The following CAMTA1 variants were observed in gnomAD, a reference collection of about 807,000 sequenced individuals.
CAMTA1 encodes the protein calmodulin-binding transcription activator 1.
In CAMTA1, 27 loss-of-function variants were observed where a neutral mutation model predicts 170.9. The observed-to-expected ratio is 0.16, with a 90% CI of 0.12 to 0.22. CAMTA1 has a LOEUF of 0.22. Ranked by LOEUF, CAMTA1 falls within the 10% of genes least tolerant of loss-of-function variation. The probability of loss-of-function intolerance (pLI) is 1.00; values close to 1 mark genes in which losing one functional copy is unlikely to be tolerated. For missense variants in CAMTA1, 1,619 were observed against 2,217.2 expected (o/e 0.73, Z 5.42); for synonymous variants, 833 against 891.5 (o/e 0.93, Z 1.17).
At chr1:6,917,614 A>G (rs1020119601) in intron 3 of CAMTA1, among the ~76,000 whole-genome samples, 1 of 152,066 alleles carries the variant, frequency 6.6e-6, no homozygotes, top group Non-Finnish European at 1.5e-5. Context: ...TTTGGCACCC[A>G]CTGCCATGAC....
intron 6 of CAMTA1, among the ~76,000 whole-genome samples, chr1:7,512,627 C>T (rs912012261): frequency 1.3e-5 from 2 of 152,250 alleles, no homozygotes; most frequent in African/African-American, 4.8e-5. Flanking sequence ...ATGCAAGCTG[C>T]TGCTCAGACA....
At chr1:6,940,202 G>C (rs947377263) in intron 3 of CAMTA1, among the ~76,000 whole-genome samples, 1 of 152,260 alleles carries the variant, frequency 6.6e-6, no homozygotes, top group Non-Finnish European at 1.5e-5. Flanking sequence ...AATGGCTCAT[G>C]AGATTATGGA....
intron 5 of CAMTA1, among the ~76,000 whole-genome samples, chr1:7,375,014 C>T (rs1385816338): frequency 1.3e-5 from 2 of 152,132 alleles, no homozygotes; most frequent in South Asian, 2.1e-4. Context: ...CCTGGGCTAA[C>T]CTGGTGGATG....
chr1:6,891,524 C>A (rs1398729597), intron 3 of CAMTA1, among the ~76,000 whole-genome samples: 1 of 152,182 alleles, frequency 6.6e-6, no homozygotes, highest in Non-Finnish European at 1.5e-5. Flanking sequence ...ATTTTCCCTG[C>A]TTGTACAGCT....
At chr1:7,513,508 C>T (rs946591166) in intron 6 of CAMTA1, among the ~76,000 whole-genome samples, 6 of 152,124 alleles carry the variant, frequency 3.9e-5, no homozygotes, top group South Asian at 4.1e-4. Context: ...GGGTCTGTCC[C>T]GGCCCTCTCC....
intron 11 of CAMTA1, among the ~76,000 whole-genome samples, chr1:7,678,718 C>G (rs2096151275): frequency 6.6e-6 from 1 of 152,176 alleles, no homozygotes; most frequent in African/African-American, 2.4e-5. Flanking sequence ...CCATGGGGTA[C>G]CTTGCTGGAG....
At chr1:7,296,177 G>C (rs552639477) in intron 5 of CAMTA1, among the ~76,000 whole-genome samples, 3 of 152,314 alleles carry the variant, frequency 2.0e-5, no homozygotes, top group Admixed American at 2.0e-4. Context: ...GAGCCAGAGA[G>C]AGTGAACACG....
intron 3 of CAMTA1, among the ~76,000 whole-genome samples, chr1:7,019,928 A>G (rs1701112950): frequency 6.6e-6 from 1 of 152,086 alleles, no homozygotes; most frequent in African/African-American, 2.4e-5. Context: ...CCTCTTTCCC[A>G]TGTGTGGTGT....
rs556572159 is a variant in CAMTA1 at position 7,642,673 on chromosome 1, A to G, written c.664+2120A>G. ...TGGTGCCCCCTGGCCAGGGCGGTAG[A>G]AAGAGTCAGGGCTGGCAAGTCAGGA... On this transcript the variant is annotated intron_variant, in intron 7 of 22. Transcript: ENST00000303635. The surrounding 1 kb of genome is among the most constrained non-coding windows in gnomAD (Gnocchi z 6.3). Among the ~76,000 whole-genome samples the G allele has an allele frequency of 4.1e-3, 624 of 152,176 alleles. 2 individuals carry two copies. Among genetic ancestry groups the G allele is most frequent in the African/African-American group, 0.015 (603 of 41,514 alleles).
chr1:6,836,218 T>C (rs1653033520), intron 3 of CAMTA1, among the ~76,000 whole-genome samples: 1 of 152,232 alleles, frequency 6.6e-6, no homozygotes, highest in Non-Finnish European at 1.5e-5. Flanking sequence ...ACCTAAGTTT[T>C]ACAGTATTAG....
At chr1:7,678,438 A>T (rs2096146473) in intron 11 of CAMTA1, among the ~76,000 whole-genome samples, 2 of 152,166 alleles carry the variant, frequency 1.3e-5, no homozygotes, top group Admixed American at 6.5e-5. Context: ...GGTCAAGGAG[A>T]GGCAGGGACT....
At chr1:7,535,793 C>G (rs1319493849) in intron 6 of CAMTA1, among the ~76,000 whole-genome samples, 4 of 152,274 alleles carry the variant, frequency 2.6e-5, no homozygotes, top group East Asian at 3.9e-4. Flanking sequence ...CTCAGCCAGT[C>G]CCTGTACTTT....
intron 3 of CAMTA1, among the ~76,000 whole-genome samples, chr1:6,895,097 G>A (rs538592891): frequency 1.3e-5 from 2 of 152,332 alleles, no homozygotes; most frequent in South Asian, 4.1e-4. Flanking sequence ...GATTGTCTAA[G>A]TATTAACACT....
At chr1:7,117,379 A>G (rs1644396644) in intron 4 of CAMTA1, among the ~76,000 whole-genome samples, 1 of 152,128 alleles carries the variant, frequency 6.6e-6, no homozygotes, top group Non-Finnish European at 1.5e-5. Context: ...GCTGATTCTC[A>G]GTACACATAG....
rs1684889296 is a variant in CAMTA1, at chr1:6,934,060, A to G, written c.234+108850A>G. On this transcript the variant is annotated intron_variant, in intron 3 of 22. Transcript: ENST00000303635. The surrounding 1 kb of genome is among the most constrained non-coding windows in gnomAD (Gnocchi z 4.5). ...TTGAGCCTCACATTGCTCTCTGCAGATGGCCTCTTCTGGAGCTATGCCACC... is the reference window on the plus strand; with the variant it reads ...TTGAGCCTCACATTGCTCTCTGCAGGTGGCCTCTTCTGGAGCTATGCCACC... Among the ~76,000 whole-genome samples, 1 of 152,192 alleles carries G rather than the reference A, an allele frequency of 6.6e-6. No individual in the cohort carries two copies. The highest frequency in any genetic ancestry group is 2.1e-4 in the South Asian group (1 of 4,830).
At chr1:6,919,044 C>G (rs932434233) in intron 3 of CAMTA1, among the ~76,000 whole-genome samples, 6 of 152,174 alleles carry the variant, frequency 3.9e-5, no homozygotes, top group Admixed American at 3.3e-4. Context: ...TGGCGTCTTT[C>G]TGTTTTGTGA....
chr1:6,916,558 C>T (rs1158119563), intron 3 of CAMTA1, among the ~76,000 whole-genome samples: 2 of 152,158 alleles, frequency 1.3e-5, no homozygotes, highest in Non-Finnish European at 2.9e-5. Context: ...ATGAATAAGG[C>T]CACTGATTTT....
chr1:7,395,156 T>G (rs2089182687), intron 5 of CAMTA1, among the ~76,000 whole-genome samples: 1 of 152,228 alleles, frequency 6.6e-6, no homozygotes. Flanking sequence ...GTGCTGGGAT[T>G]ACAGGCGTGA....
chr1:7,192,914 A>C (rs924857819), intron 4 of CAMTA1, among the ~76,000 whole-genome samples: 1 of 152,190 alleles, frequency 6.6e-6, no homozygotes, highest in Non-Finnish European at 1.5e-5. Context: ...CATGCTGTGA[A>C]GGTCTCTGCA....
Sources: gnomAD v4.1 joint callset for allele counts (sites outside exome capture counted in the v4.1 genomes callset) on GRCh38, gnomAD v4.1.1 for gene constraint, Gnocchi (gnomAD v3.1) non-coding constraint, MANE v1.5 for transcripts, NCBI Gene and HGNC (gene_info 2026-07-23, HGNC 2026-07-21) for gene names.